The following PLEKHA6 variants were observed in gnomAD, a reference collection of about 807,000 sequenced individuals.
PLEKHA6 encodes pleckstrin homology domain containing A6, also known as pleckstrin homology domain-containing family A member 6.
In PLEKHA6, 60 loss-of-function variants were observed where a neutral mutation model predicts 116.7. The ratio of observed to expected loss-of-function variants is 0.51; its 90% CI spans 0.42 to 0.64. PLEKHA6 has a LOEUF of 0.64. Ranked by LOEUF, PLEKHA6 falls within the 30% of genes least tolerant of loss-of-function variation. The pLI, the probability that PLEKHA6 is intolerant of heterozygous loss-of-function variation, is 0.00. For synonymous variants in PLEKHA6, 489 were observed against 556.1 expected (o/e 0.88, Z 1.70); for missense variants, 1,338 against 1,422.7 (o/e 0.94, Z 0.96).
At chr1:204,239,994 G>A (rs886897771) in intron 17 of PLEKHA6, among the ~76,000 whole-genome samples, 37 of 152,232 alleles carry the variant, frequency 2.4e-4, no homozygotes, top group Admixed American at 6.5e-4. Context: ...GAAACACAAC[G>A]ATTCCATTAA....
chr1:204,262,262 G>A (rs1666222271), intron 6 of PLEKHA6, among the ~76,000 whole-genome samples: 1 of 152,228 alleles, frequency 6.6e-6, no homozygotes, highest in Admixed American at 6.5e-5. Flanking sequence ...GCTGGTGGTG[G>A]AGAGTGAGTC....
At chr1:204,235,089 A>G (rs1364117055) in intron 17 of PLEKHA6, among the ~76,000 whole-genome samples, 1 of 148,112 alleles carries the variant, frequency 6.8e-6, no homozygotes, top group East Asian at 2.0e-4. Flanking sequence ...AGATTTTGGT[A>G]TTAAGGATGA....
chr1:204,309,121 T>G (rs1671553734), intron 1 of PLEKHA6: 6 of 871,730 alleles, frequency 6.9e-6, no homozygotes, highest in African/African-American at 1.8e-5. Context: ...CAGCATGTAG[T>G]GCTTCATTTC....
chr1:204,297,917 G>A, intron 1 of PLEKHA6: 1 of 984,730 alleles, frequency 1.0e-6, no homozygotes, highest in African/African-American at 1.7e-5. Flanking sequence ...CTTGATCTAG[G>A]ACCCCTTTGC....
rs546161715 is a variant in PLEKHA6, at chr1:204,295,749, G to T, written c.-94-20940C>A. ...TTTTAGAGGCTTAGATTCAGCTGGG[G>T]AGGACCCACAGCCCGAGAAGGAAAA... is the stretch of plus-strand genomic sequence containing the variant. On this transcript the variant is annotated intron_variant, in intron 1 of 22. Transcript: ENST00000272203. Among the ~76,000 whole-genome samples the T allele has an allele frequency of 1.7e-3, 262 of 152,202 alleles. 6 individuals are homozygous for T. The highest frequency in any genetic ancestry group is 0.017 in the Admixed American group (262 of 15,296).
At chr1:204,275,248 C>T (rs569538764) in intron 1 of PLEKHA6, among the ~76,000 whole-genome samples, 1 of 152,276 alleles carries the variant, frequency 6.6e-6, no homozygotes, top group South Asian at 2.1e-4. Flanking sequence ...TTTCTTGTGA[C>T]CTTGGACTCC....
intron 1 of PLEKHA6, among the ~76,000 whole-genome samples, chr1:204,374,360 G>T (rs1054237480): frequency 3.3e-5 from 5 of 152,092 alleles, no homozygotes; most frequent in African/African-American, 1.2e-4. Context: ...AAGCCTTTCC[G>T]GCTAACCTCA....
chr1:204,228,579 C>T lies in PLEKHA6; in HGVS notation c.2885+149G>A, dbSNP rs75231842. On this transcript the variant is annotated intron_variant, in intron 20 of 22. Transcript: ENST00000272203. The surrounding 1 kb of genome is among the most constrained non-coding windows in gnomAD (Gnocchi z 4.0). Reference sequence around the variant, plus strand: ...CTGACAGCAGCATCCTTGCCTCTGCCGGTAGCTGGGCCCTGTCTGCTGCCT... The same window carrying T: ...CTGACAGCAGCATCCTTGCCTCTGCTGGTAGCTGGGCCCTGTCTGCTGCCT... 9.9e-5 allele frequency: 70 copies of T among 707,660 alleles called. 1 individual carries two copies. In the Middle Eastern group the frequency reaches 1.6e-3, roughly 16 times the overall value. The allele number at this position is 707,660 out of a possible 1,614,324, so 43.8% of individuals were successfully genotyped here.
intron 1 of PLEKHA6, among the ~76,000 whole-genome samples, chr1:204,324,678 T>C (rs1347048987): frequency 6.6e-6 from 1 of 152,232 alleles, no homozygotes; most frequent in African/African-American, 2.4e-5. Flanking sequence ...GAAGGCTTTA[T>C]GTCTAAAGGT....
At chr1:204,338,217 A>C (rs184538370) in intron 1 of PLEKHA6, among the ~76,000 whole-genome samples, 5 of 152,274 alleles carry the variant, frequency 3.3e-5, no homozygotes, top group Non-Finnish European at 7.3e-5. Flanking sequence ...ATCCTCTATA[A>C]AATAGGAATG....
intron 17 of PLEKHA6, among the ~76,000 whole-genome samples, chr1:204,235,892 G>C (rs760894551): frequency 6.6e-6 from 1 of 152,110 alleles, no homozygotes; most frequent in Admixed American, 6.6e-5. Flanking sequence ...AACAGTCAAG[G>C]CCTCCCCTGA....
intron 18 of PLEKHA6, among the ~76,000 whole-genome samples, 172 bp from the exon 19 acceptor site, chr1:204,229,276 C>A (rs1660829059): frequency 6.6e-6 from 1 of 152,216 alleles, no homozygotes; most frequent in South Asian, 2.1e-4. Context: ...TGGCCCAAAG[C>A]CTGCCCACCT....
In PLEKHA6 at chr1:204,339,807, T is replaced by C. The variant is rs570247378; in HGVS notation, c.-95+19887A>G. Reference sequence around the variant, plus strand: ...ATGACAAATTTATAGATCATTATCATACCTGGGAGTGTTTGTATAAAATAA... The same window carrying C: ...ATGACAAATTTATAGATCATTATCACACCTGGGAGTGTTTGTATAAAATAA... On this transcript the variant is annotated intron_variant, in intron 1 of 22. Coordinates refer to ENST00000272203, the MANE Select transcript of PLEKHA6 (RefSeq NM_014935.5). Among the ~76,000 whole-genome samples, 11 of 152,354 alleles carry C rather than the reference T, an allele frequency of 7.2e-5. 1 individual carries two copies. In the South Asian group the frequency reaches 1.9e-3, roughly 26 times the overall value.
Position 204,342,393 on chromosome 1 carries a change from C to T in PLEKHA6, c.-95+17301G>A, listed in dbSNP as rs189528762. Among the ~76,000 whole-genome samples, 329 of 152,266 alleles carry T rather than the reference C, an allele frequency of 2.2e-3. 1 individual carries two copies. Among genetic ancestry groups the T allele is most frequent in the African/African-American group, 7.5e-3 (311 of 41,536 alleles). On this transcript the variant is annotated intron_variant, in intron 1 of 22. Transcript: ENST00000272203. Reference sequence around the variant, plus strand: ...AGAAATAGCTTGTGATCAAATAGTACAGAAATAGCTTTATGTCCCCAGGAA... The same window carrying T: ...AGAAATAGCTTGTGATCAAATAGTATAGAAATAGCTTTATGTCCCCAGGAA...
At chr1:204,361,423 TCA>T (rs1673556832), upstream of PLEKHA6, among the ~76,000 whole-genome samples, 1 of 152,082 alleles carries the variant, frequency 6.6e-6, no homozygotes, top group Admixed American at 6.5e-5. Flanking sequence ...CACACCCCAC[TCA>T]CACACACCAC....
At chr1:204,231,077 T>C (rs187456924) in intron 17 of PLEKHA6, among the ~76,000 whole-genome samples, 4 of 152,282 alleles carry the variant, frequency 2.6e-5, no homozygotes, top group Non-Finnish European at 5.9e-5. Flanking sequence ...CTGTGTGTGG[T>C]GATTTGTCAC....
intron 1 of PLEKHA6, among the ~76,000 whole-genome samples, chr1:204,293,953 G>C (rs1670019807): frequency 6.6e-6 from 1 of 152,166 alleles, no homozygotes; most frequent in Admixed American, 6.5e-5. Context: ...TAGGACAACT[G>C]GTGAAATTTC....
At chr1:204,313,015 C>CTTTCTTTTCT (rs71145077) in intron 1 of PLEKHA6, among the ~76,000 whole-genome samples, 12 of 135,368 alleles carry the variant, frequency 8.9e-5, no homozygotes, top group South Asian at 2.7e-4. Context: ...AGCCCATTTT[C>CTTTCTTTTCT]TTTCTTTTCT....
intron 1 of PLEKHA6, among the ~76,000 whole-genome samples, chr1:204,329,005 C>A (rs1672351167): frequency 6.6e-6 from 1 of 152,202 alleles, no homozygotes; most frequent in Non-Finnish European, 1.5e-5. Flanking sequence ...TCCACTCTTA[C>A]CCTCTGTGTT....
Sources: gnomAD v4.1 joint callset for allele counts (sites outside exome capture counted in the v4.1 genomes callset) on GRCh38, gnomAD v4.1.1 for gene constraint, Gnocchi (gnomAD v3.1) non-coding constraint, MANE v1.5 for transcripts, NCBI Gene and HGNC (gene_info 2026-07-23, HGNC 2026-07-21) for gene names.